The following ZNF250 variants were observed in gnomAD, a reference collection of about 807,000 sequenced individuals.
The protein encoded by ZNF250 is zinc finger protein 250.
A neutral mutation model predicts 37.1 loss-of-function variants in ZNF250; 13 were observed. The observed-to-expected ratio is 0.35, with a 90% CI of 0.23 to 0.56. ZNF250 has a LOEUF of 0.56. ZNF250 is among the 20% of genes least tolerant of loss of function. The pLI is 0.87. For synonymous variants in ZNF250, 251 were observed against 265.6 expected, an observed-to-expected ratio of 0.94 and a Z score of 0.54; for missense variants, 474 against 697.9, an observed-to-expected ratio of 0.68 and a Z score of 3.61.
At chr8:144,898,492 T>C (rs1041535687) in intron 1 of ZNF250, among the ~76,000 whole-genome samples, 25 of 152,184 alleles carry the variant, frequency 1.6e-4, no homozygotes, top group Non-Finnish European at 2.1e-4. Flanking sequence ...TAAAGAAAAC[T>C]GTAAAACATC....
Position 144,891,136 on chromosome 8 carries a change from G to C in ZNF250, c.-54-733C>G, listed in dbSNP as rs558551366. On this transcript the variant is annotated intron_variant, in intron 1 of 5. Transcript: ENST00000417550. This position sits in a 1 kb window ranked among gnomAD's most constrained non-coding sequence, Gnocchi z 4.0. ...ACACACCCAAACAGCTGGGAAAAAG[G>C]GGGAGCGGGGCAAGAGCTTTCCTGA... Among the ~76,000 whole-genome samples the C allele has an allele frequency of 3.3e-4, 50 of 152,300 alleles. No individual in the cohort carries two copies. Among genetic ancestry groups the C allele is most frequent in the Non-Finnish European group, 4.9e-4 (33 of 68,024 alleles).
chr8:144,896,382 A>T (rs201413514), intron 1 of ZNF250, among the ~76,000 whole-genome samples: 3 of 151,718 alleles, frequency 2.0e-5, no homozygotes, highest in South Asian at 2.1e-4. Context: ...ATTAAAAAAA[A>T]ATATGAACAA....
chr8:144,900,906 C>T (rs919357240), intron 1 of ZNF250, among the ~76,000 whole-genome samples: 9 of 152,242 alleles, frequency 5.9e-5, no homozygotes, highest in Non-Finnish European at 2.9e-5. Context: ...CCGGGCCCAT[C>T]CCAGGGGACG....
chr8:144,893,777 C>T (rs1288587642), intron 1 of ZNF250, among the ~76,000 whole-genome samples: 1 of 152,142 alleles, frequency 6.6e-6, no homozygotes, highest in Non-Finnish European at 1.5e-5. Flanking sequence ...TCAGGGCCTC[C>T]CTAGCAGGTC....
In ZNF250 at chr8:144,882,961, CAGA is replaced by C. The variant is rs1831604980; in HGVS notation, c.347-128_347-126del. On this transcript the variant is annotated intron_variant, in intron 5 of 5. Transcript: ENST00000417550. The surrounding 1 kb of genome is among the most constrained non-coding windows in gnomAD (Gnocchi z 5.5). ...TCAATGCACACGTTGGTGTGAGCTA[CAGA>C]AGAACAGAACCACCATAACTGTGTC... The C allele has an allele frequency of 4.0e-6, 4 of 999,620 alleles. No homozygotes were observed. The East Asian group carries it at 7.2e-5, about 18-fold the overall frequency. 61.9% of individuals were successfully genotyped at this position (999,620 alleles called of 1,614,324 possible).
At chr8:144,895,459 G>T (rs1000729918) in intron 1 of ZNF250, among the ~76,000 whole-genome samples, 1 of 152,174 alleles carries the variant, frequency 6.6e-6, no homozygotes, top group African/African-American at 2.4e-5. Context: ...TGAAGGCCTG[G>T]AGATCATGTG....
chr8:144,885,347 C>T (rs1326953572), intron 5 of ZNF250, among the ~76,000 whole-genome samples: 1 of 152,188 alleles, frequency 6.6e-6, no homozygotes, highest in Admixed American at 6.5e-5. Flanking sequence ...TTTCAAACTC[C>T]TGACCTCAGG....
In ZNF250 at chr8:144,880,573, G is replaced by A. The variant is rs1323636951; in HGVS notation, c.*942C>T. On this transcript the variant is annotated 3_prime_UTR_variant, in exon 6 of 6. Coordinates refer to ENST00000417550, the MANE Select transcript of ZNF250 (RefSeq NM_001109689.4). Reference sequence around the variant, plus strand: ...ATAAAGTTAAAAGCTCCAGATAAAGGGTTTTCTAGGCCAGGCATGGTGCCT... The same window carrying A: ...ATAAAGTTAAAAGCTCCAGATAAAGAGTTTTCTAGGCCAGGCATGGTGCCT... 6.7e-6 allele frequency: 3 copies of A among 445,086 alleles called. No homozygotes were observed. The highest frequency in any genetic ancestry group is 1.6e-5 in the South Asian group (1 of 64,050). 27.6% of individuals were successfully genotyped at this position (445,086 alleles called of 1,614,324 possible).
chr8:144,895,096 C>A (rs952368106), intron 1 of ZNF250: 2 of 152,152 alleles, frequency 1.3e-5, no homozygotes, highest in Non-Finnish European at 2.9e-5. Flanking sequence ...AAGAAGGCGA[C>A]CTAGCAGTAT....
In ZNF250 at chr8:144,882,110, C is replaced by T. The variant is rs1378888723; in HGVS notation, c.1073G>A (p.Gly358Glu). 6.2e-7 allele frequency: 1 copy of T among 1,613,908 alleles called. No individual in the cohort carries two copies. The highest frequency in any genetic ancestry group is 1.3e-5 in the African/African-American group (1 of 74,948). Reference protein sequence around the residue: ...TLLQHQRIHTGEKPYTCSECG... With the variant: ...TLLQHQRIHTEEKPYTCSECG... Reference sequence around the variant, plus strand: ...CTCGCTGCACGTGTAGGGCTTCTCCCCGGTGTGGATCCTCTGGTGCTGCAG... The same window carrying T: ...CTCGCTGCACGTGTAGGGCTTCTCCTCGGTGTGGATCCTCTGGTGCTGCAG... Residue 358 changes from glycine to glutamate, a missense_variant, in exon 6 of 6, where the codon GGG becomes GAG. Around this residue, in one of 2 missense-constraint regions of ZNF250, gnomAD observed 282 missense variants for 470.4 expected, o/e 0.60. Coordinates refer to ENST00000417550, the MANE Select transcript of ZNF250 (RefSeq NM_001109689.4). This position sits in a 1 kb window ranked among gnomAD's most constrained non-coding sequence, Gnocchi z 5.5.
At chr8:144,899,984 A>G (rs775777944) in intron 1 of ZNF250, among the ~76,000 whole-genome samples, 6 of 152,230 alleles carry the variant, frequency 3.9e-5, no homozygotes, top group Non-Finnish European at 7.3e-5. Context: ...TAAATTTTCT[A>G]TTTTGAAAAA....
Position 144,881,958 on chromosome 8 carries a change from C to A in ZNF250, c.1225G>T (p.Glu409Ter). 6.2e-7 allele frequency: 1 copy of A among 1,612,396 alleles called. No individual in the cohort carries two copies. The highest frequency in any genetic ancestry group is 8.5e-7 in the Non-Finnish European group (1 of 1,179,570). Reference protein sequence around the residue: ...FSHRSTLMNHERIHTEEKPYA... With the variant: ...FSHRSTLMNH ...GGCTTTTCCTCGGTGTGGATCCGCT[C>A]GTGATTCATCAGTGTGGAGCGGTGG... Residue 409 changes from glutamate (E) to a stop codon, truncating the protein, a stop_gained, in exon 6 of 6, where the codon GAG becomes TAG. Transcript: ENST00000417550. LOFTEE classifies it high-confidence loss of function.
At position 144,882,996 on chromosome 8, in the gene ZNF250, C is replaced by G. The variant is rs561368673; in HGVS notation, c.347-160G>C. 5.9e-5 allele frequency among the ~76,000 whole-genome samples: 9 copies of G among 152,328 alleles called. No individual in the cohort carries two copies. In the South Asian group the frequency reaches 6.2e-4, roughly 11 times the overall value. On this transcript the variant is annotated intron_variant, in intron 5 of 5. Transcript: ENST00000417550. This position sits in a 1 kb window ranked among gnomAD's most constrained non-coding sequence, Gnocchi z 5.5. ...GAACCACCATAACTGTGTCAAACAACTAGATATCAGAAGATAATGTTTCCA... is the reference window on the plus strand; with the variant it reads ...GAACCACCATAACTGTGTCAAACAAGTAGATATCAGAAGATAATGTTTCCA...
At chr8:144,886,466 C>T (rs1350823559) in intron 5 of ZNF250, among the ~76,000 whole-genome samples, 1 of 152,238 alleles carries the variant, frequency 6.6e-6, no homozygotes, top group African/African-American at 2.4e-5. Flanking sequence ...CACCTTGCAT[C>T]CATACTGTGC....
intron 1 of ZNF250, among the ~76,000 whole-genome samples, chr8:144,894,232 C>T (rs890594092): frequency 2.6e-5 from 4 of 152,120 alleles, no homozygotes; most frequent in East Asian, 1.9e-4. Context: ...ATCTCGCCCT[C>T]CCTGCCCCAT....
At position 144,886,918 on chromosome 8, in the gene ZNF250, C is replaced by T. The variant is rs1367973585; in HGVS notation, c.284-16G>A. On this transcript the variant is annotated splice_polypyrimidine_tract_variant and intron_variant, in intron 4 of 5. Transcript: ENST00000417550. ...TTGAGGTTGTCTGGAAAAAAAACAGCGAGTTGAAGTGACAACAAAATACTC... is the reference window on the plus strand; with the variant it reads ...TTGAGGTTGTCTGGAAAAAAAACAGTGAGTTGAAGTGACAACAAAATACTC... The T allele has an allele frequency of 1.9e-5, 30 of 1,611,882 alleles. No individual in the cohort carries two copies. The highest frequency in any genetic ancestry group is 2.5e-5 in the Non-Finnish European group (29 of 1,178,358).
chr8:144,888,783 C>G (rs773113939), intron 4 of ZNF250, among the ~76,000 whole-genome samples: 11 of 152,072 alleles, frequency 7.2e-5, no homozygotes, highest in Non-Finnish European at 1.5e-4. Flanking sequence ...GTCTCATGCT[C>G]TGTCCCCCAG....
At chr8:144,893,230 C>T (rs959090188) in intron 1 of ZNF250, among the ~76,000 whole-genome samples, 2 of 152,166 alleles carry the variant, frequency 1.3e-5, no homozygotes, top group Non-Finnish European at 2.9e-5. Context: ...TCATGTGCTC[C>T]TGGTCCCCCT....
rs780796541 is a variant in ZNF250 at position 144,882,412 on chromosome 8, T to C, written c.771A>G (p.Lys257=). 6 of 1,613,430 alleles carry C rather than the reference T, an allele frequency of 3.7e-6. No homozygotes were observed. The Admixed American group carries it at 1.0e-4, about 27-fold the overall frequency. The part of the protein sequence containing the change: ...EKPYECNECG[K]AFRVSSDLAQ... ...CAAGATCTGAGCTCACTCTAAAGGC[T>C]TTTCCACACTCATTACACTCATAGG... The change falls in exon 6 of 6, where the codon AAA becomes AAG. Residue 257 remains lysine, a synonymous_variant. Transcript: ENST00000417550. This position sits in a 1 kb window ranked among gnomAD's most constrained non-coding sequence, Gnocchi z 5.5.
Sources: gnomAD v4.1 joint callset for allele counts (sites outside exome capture counted in the v4.1 genomes callset) on GRCh38, gnomAD v4.1.1 for gene constraint, gnomAD v4.1.1 regional missense constraint, Gnocchi (gnomAD v3.1) non-coding constraint, MANE v1.5 for transcripts, NCBI Gene and HGNC (gene_info 2026-07-23, HGNC 2026-07-21) for gene names.